CERK: variants seen among roughly 807,000 people sequenced by gnomAD.
The protein encoded by CERK is acylsphingosine kinase.
CERK carries 39 observed loss-of-function variants against 63.4 expected under a neutral mutation model. The observed-to-expected ratio is 0.61, with a 90% CI of 0.48 to 0.80. The LOEUF is 0.80. Ranked by LOEUF, CERK falls within the 30% of genes least tolerant of loss-of-function variation. CERK has a pLI of 0.00. For synonymous variants in CERK, 302 were observed against 280.0 expected (o/e 1.08, Z -0.78); for missense variants, 670 against 714.1 (o/e 0.94, Z 0.70).
intron 3 of CERK, among the ~76,000 whole-genome samples, chr22:46,713,517 A>AC (rs1443433288): frequency 6.6e-6 from 1 of 150,734 alleles, no homozygotes; most frequent in East Asian, 2.0e-4. Context: ...TCAAAAAAAA[A>AC]AAAAAAAAAA....
chr22:46,721,045 G>T (rs770794356), intron 1 of CERK, 30 bp from the exon 2 acceptor site: 3 of 1,365,216 alleles, frequency 2.2e-6, no homozygotes, highest in African/African-American at 2.9e-5. Flanking sequence ...TTCTGTCAAA[G>T]AATTCGTCAG....
In CERK at chr22:46,695,311, T is replaced by C. The variant is rs371610703; in HGVS notation, c.948A>G (p.Leu316=). The C allele has an allele frequency of 5.7e-6, 9 of 1,581,708 alleles. No individual in the cohort carries two copies. The highest frequency in any genetic ancestry group is 2.7e-5 in the African/African-American group (2 of 74,226). The part of the protein sequence containing the change: ...LGLARYDFSG[L]KTFLSHHCYE... Reference sequence around the variant, plus strand: ...AGCAGTGGTGGGAGAGGAAGGTCTTTAAACCTGGGAACAGAGTGCAGTGAA... The same window carrying C: ...AGCAGTGGTGGGAGAGGAAGGTCTTCAAACCTGGGAACAGAGTGCAGTGAA... The change falls in exon 9 of 13, where the codon TTA becomes TTG. Residue 316 remains leucine (L), a synonymous_variant. Transcript: ENST00000216264.
intron 12 of CERK, among the ~76,000 whole-genome samples, chr22:46,689,160 C>T (rs1006239753): frequency 6.6e-6 from 1 of 152,220 alleles, no homozygotes; most frequent in African/African-American, 2.4e-5. Context: ...TCCCCGCGTC[C>T]CCTAGGCTGC....
chr22:46,724,495 G>A (rs576091455), intron 1 of CERK, among the ~76,000 whole-genome samples: 3 of 152,238 alleles, frequency 2.0e-5, no homozygotes, highest in Admixed American at 2.0e-4. Flanking sequence ...GGAGTGGTGC[G>A]GCCATGGTGG....
Position 46,700,783 on chromosome 22 carries a change from G to A in CERK, c.790+853C>T, listed in dbSNP as rs188544439. ...TCCCAACACTTTGGAAGGCCGAGGC[G>A]GGTGGATCACCTGAGGTCAGGAGTT... On this transcript the variant is annotated intron_variant, in intron 7 of 12. Transcript: ENST00000216264. 7.1e-4 allele frequency among the ~76,000 whole-genome samples: 108 copies of A among 152,122 alleles called. 1 individual carries two copies. Among genetic ancestry groups the A allele is most frequent in the African/African-American group, 2.1e-3 (88 of 41,508 alleles).
At chr22:46,694,514 C>G (rs1376803384) in intron 9 of CERK, among the ~76,000 whole-genome samples, 1 of 152,064 alleles carries the variant, frequency 6.6e-6, no homozygotes, top group East Asian at 1.9e-4. Flanking sequence ...CTGCACTCAG[C>G]CTCCCCTCCC....
chr22:46,707,735 C>G, intron 6 of CERK, 108 bp downstream of exon 6: 1 of 1,289,664 alleles, frequency 7.8e-7, no homozygotes, highest in Non-Finnish European at 1.1e-6. Flanking sequence ...TCTGTACGAA[C>G]TAAACTGAGT....
chr22:46,733,849 C>T (rs1037221982), intron 1 of CERK, among the ~76,000 whole-genome samples: 3 of 151,322 alleles, frequency 2.0e-5, no homozygotes, highest in Non-Finnish European at 4.4e-5. Context: ...CGAGACTAGC[C>T]TGGCCAACAT....
chr22:46,719,774 A>G (rs1271034327), intron 3 of CERK, among the ~76,000 whole-genome samples: 6 of 152,228 alleles, frequency 3.9e-5, no homozygotes, highest in Admixed American at 2.0e-4. Flanking sequence ...TTCACCTCGA[A>G]TGTAAAAGCT....
At chr22:46,726,749 G>A (rs1164023967) in intron 1 of CERK, among the ~76,000 whole-genome samples, 1 of 152,112 alleles carries the variant, frequency 6.6e-6, no homozygotes, top group African/African-American at 2.4e-5. Flanking sequence ...AGGAAACTCA[G>A]AGATGGTCAA....
chr22:46,704,467 G>T (rs561870131), intron 6 of CERK, among the ~76,000 whole-genome samples: 1 of 152,274 alleles, frequency 6.6e-6, no homozygotes, highest in South Asian at 2.1e-4. Flanking sequence ...ACCTAATTTG[G>T]AAAAGAGTTG....
chr22:46,693,040 C>T (rs1472690133), intron 10 of CERK, among the ~76,000 whole-genome samples: 2 of 152,134 alleles, frequency 1.3e-5, no homozygotes, highest in Non-Finnish European at 2.9e-5. Flanking sequence ...CATACCCACT[C>T]ACTGTACACT....
At chr22:46,707,615 G>A (rs135697) in intron 6 of CERK, among the ~76,000 whole-genome samples, 35,725 of 152,230 alleles carry the variant, frequency 0.23, 4,893 homozygotes, top group Middle Eastern at 0.45. Flanking sequence ...CCTGCCTTGC[G>A]TGAAGCAGCC....
At chr22:46,706,825 G>A (rs135695) in intron 6 of CERK, among the ~76,000 whole-genome samples, 28,331 of 152,066 alleles carry the variant, frequency 0.19, 3,214 homozygotes, top group Middle Eastern at 0.36. Flanking sequence ...GTCACCATCC[G>A]TGGGGAACAT....
intron 5 of CERK, 39 bp from the exon 6 acceptor site, chr22:46,708,027 G>T: frequency 6.4e-7 from 1 of 1,567,884 alleles, no homozygotes; most frequent in South Asian, 1.2e-5. Context: ...TCCTGCAGGT[G>T]CGGCCCTCTG....
chr22:46,694,620 G>A (rs16995577), intron 9 of CERK, among the ~76,000 whole-genome samples: 178 of 152,244 alleles, frequency 1.2e-3, no homozygotes, highest in African/African-American at 4.0e-3. Flanking sequence ...TTGCCAGCCC[G>A]AGCCTTCTTG....
At chr22:46,713,508 C>CAAAAAAAA (rs34168827) in intron 3 of CERK, among the ~76,000 whole-genome samples, 19 of 74,122 alleles carry the variant, frequency 2.6e-4, no homozygotes, top group East Asian at 4.1e-4. Context: ...GACTTCATCT[C>CAAAAAAAA]AAAAAAAAAA....
intron 3 of CERK, among the ~76,000 whole-genome samples, chr22:46,717,265 G>A (rs911942923): frequency 1.3e-5 from 2 of 152,160 alleles, no homozygotes; most frequent in Non-Finnish European, 2.9e-5. Flanking sequence ...ACAACCCAGC[G>A]ACTCCATTCC....
At chr22:46,721,613 C>T (rs1284598998) in intron 1 of CERK, among the ~76,000 whole-genome samples, 1 of 152,132 alleles carries the variant, frequency 6.6e-6, no homozygotes, top group East Asian at 1.9e-4. Context: ...CCATTCCGGG[C>T]CAGCTACCAT....
Sources: allele counts gnomAD v4.1 joint callset (sites outside exome capture counted in the v4.1 genomes callset), GRCh38; gene constraint gnomAD v4.1.1; transcripts MANE v1.5; gene names NCBI Gene and HGNC (gene_info 2026-07-23, HGNC 2026-07-21).